DDX60: variants seen among roughly 807,000 people sequenced by gnomAD.
The protein encoded by DDX60 is probable ATP-dependent RNA helicase DDX60.
DDX60 carries 165 observed loss-of-function variants against 212.8 expected under a neutral mutation model. The ratio of observed to expected loss-of-function variants is 0.78; its 90% CI spans 0.68 to 0.88. The LOEUF (loss-of-function observed/expected upper bound fraction) is 0.88, where lower values mean the gene tolerates loss of function less well. DDX60 is among the 40% of genes least tolerant of loss of function. The probability of loss-of-function intolerance (pLI) is 0.00; values close to 1 mark genes in which losing one functional copy is unlikely to be tolerated. For synonymous variants in DDX60, 703 were observed against 685.3 expected (o/e 1.03, Z -0.40); for missense variants, 1,905 against 2,003.9 (o/e 0.95, Z 0.94).
rs199700224 is a variant in DDX60 at position 168,280,557 on chromosome 4, T to A, written c.1756A>T (p.Lys586Ter). The A allele has an allele frequency of 6.2e-7, 1 of 1,613,686 alleles. No homozygotes were observed. Among genetic ancestry groups the A allele is most frequent in the African/African-American group, 1.3e-5 (1 of 74,976 alleles). ...TCTTCCCTGGCAAATAACCTTTTCT[T>A]ATTCTCTCTAGCAATTATTTCAGCC... ...TKAEIIARENKKRLFAREEQK... is the reference protein window; with the variant it reads ...TKAEIIAREN The change falls in exon 14 of 38, where the codon AAG (lysine) becomes TAG (stop). Residue 586 changes from lysine (K) to a stop codon, truncating the protein, a stop_gained. Coordinates refer to ENST00000393743, the MANE Select transcript of DDX60 (RefSeq NM_017631.6). LOFTEE classifies it high-confidence loss of function.
chr4:168,302,094 T>C (rs1008291153), intron 6 of DDX60, among the ~76,000 whole-genome samples: 2 of 152,194 alleles, frequency 1.3e-5, no homozygotes, highest in Non-Finnish European at 2.9e-5. Flanking sequence ...GAAAAGTCAG[T>C]GTAATTGGAA....
intron 33 of DDX60, among the ~76,000 whole-genome samples, chr4:168,226,880 TG>T (rs1733273557): frequency 6.6e-6 from 1 of 152,118 alleles, no homozygotes; most frequent in African/African-American, 2.4e-5. Context: ...TATCAGAGGC[TG>T]GGAAGGGTAG....
chr4:168,286,416 A>ACACACC (rs774764702), intron 10 of DDX60, among the ~76,000 whole-genome samples: 1 of 115,758 alleles, frequency 8.6e-6, no homozygotes, highest in African/African-American at 3.9e-5. Flanking sequence ...ACACACACAC[A>ACACACC]CCACACGAGA....
intron 4 of DDX60, among the ~76,000 whole-genome samples, chr4:168,307,125 C>T (rs17706009): frequency 0.025 from 3,865 of 152,274 alleles, 124 homozygotes; most frequent in East Asian, 0.12. Flanking sequence ...CCTTAAGCAA[C>T]TGAGATTGTC....
At position 168,242,602 on chromosome 4, in the gene DDX60, TC is replaced by T. The variant is rs1263463589; in HGVS notation, c.4164+3815del. 2.6e-5 allele frequency among the ~76,000 whole-genome samples: 4 copies of T among 152,192 alleles called. No homozygotes were observed. In the South Asian group the frequency reaches 6.2e-4, roughly 24 times the overall value. ...TGGTGCCTTTGATTTGGCAAATTTC[TC>T]CCATTTGGAATGGCTGTATGTACCC... On this transcript the variant is annotated intron_variant, in intron 30 of 37. Coordinates refer to ENST00000393743, the MANE Select transcript of DDX60 (RefSeq NM_017631.6).
At position 168,265,835 on chromosome 4, in the gene DDX60, A is replaced by AGGAAGGGAAG. The variant is rs138501508; in HGVS notation, c.3039+1737_3039+1746dup. Reference sequence around the variant, plus strand: ...AGGGAGGGAAGGAGGGAAGGAGGGAAGGAAGGGAAGGGAAGGGAAGGGAAG... The same window carrying AGGAAGGGAAG: ...AGGGAGGGAAGGAGGGAAGGAGGGAAGGAAGGGAAGGGAAGGGAAGGGAAGGGAAGGGAAG... On this transcript the variant is annotated intron_variant, in intron 22 of 37. Transcript: ENST00000393743. 2.8e-3 allele frequency among the ~76,000 whole-genome samples: 254 copies of AGGAAGGGAAG among 89,198 alleles called. 4 individuals carry two copies. Among genetic ancestry groups the AGGAAGGGAAG allele is most frequent in the Admixed American group, 0.023 (177 of 7,560 alleles). The allele number at this position is 89,198 out of a possible 152,430, so 58.5% of individuals were successfully genotyped here.
chr4:168,258,214 T>C (rs1734491965), intron 25 of DDX60, among the ~76,000 whole-genome samples: 1 of 152,252 alleles, frequency 6.6e-6, no homozygotes, highest in South Asian at 2.1e-4. Context: ...CTAAGTGCTT[T>C]CATAACTTAT....
chr4:168,304,399 T>A (rs1736786861), intron 5 of DDX60, among the ~76,000 whole-genome samples: 1 of 152,050 alleles, frequency 6.6e-6, no homozygotes, highest in African/African-American at 2.4e-5. Flanking sequence ...GCTGACAGAA[T>A]AATGATAAAA....
At chr4:168,321,339 A>G (rs909329561), upstream of DDX60, among the ~76,000 whole-genome samples, 1 of 152,090 alleles carries the variant, frequency 6.6e-6, no homozygotes, top group Non-Finnish European at 1.5e-5. Flanking sequence ...CCTCTTAATT[A>G]ACATGTTCAA....
At chr4:168,219,540 T>A (rs979967541) in intron 37 of DDX60, among the ~76,000 whole-genome samples, 2 of 152,132 alleles carry the variant, frequency 1.3e-5, no homozygotes, top group Admixed American at 1.3e-4. Flanking sequence ...GACAAAGCAG[T>A]TTCCTTCTGC....
At chr4:168,259,226 C>T (rs1421066970) in intron 25 of DDX60, among the ~76,000 whole-genome samples, 1 of 152,102 alleles carries the variant, frequency 6.6e-6, no homozygotes, top group Non-Finnish European at 1.5e-5. Context: ...TTTTGCCTCC[C>T]CTATATTTGT....
intron 22 of DDX60, among the ~76,000 whole-genome samples, chr4:168,266,795 G>C (rs1296369969): frequency 6.6e-6 from 1 of 152,148 alleles, no homozygotes; most frequent in Non-Finnish European, 1.5e-5. Context: ...TATCTTCAAA[G>C]AAAGCTGAGA....
At chr4:168,229,588 C>T (rs1372319920) in intron 33 of DDX60, among the ~76,000 whole-genome samples, 1 of 151,980 alleles carries the variant, frequency 6.6e-6, no homozygotes. Flanking sequence ...AAGAGCCCTG[C>T]TTGCTTTCTC....
intron 30 of DDX60, among the ~76,000 whole-genome samples, chr4:168,240,870 A>G (rs1449151745): frequency 6.6e-6 from 1 of 152,212 alleles, no homozygotes; most frequent in Non-Finnish European, 1.5e-5. Context: ...TATTCAGGAC[A>G]TCGGCATGGG....
At position 168,308,180 on chromosome 4, in the gene DDX60, G is replaced by A. The variant is rs375113703; in HGVS notation, c.90C>T (p.Phe30=). ...EMPKAEYSSL[F]NDFVESEFFL... is the part of the protein sequence containing the mutation. ...AAAATTCAGATTCAACAAAATCATTGAATAAACTGGAATATCTAAAATGAA... is the reference window on the plus strand; with the variant it reads ...AAAATTCAGATTCAACAAAATCATTAAATAAACTGGAATATCTAAAATGAA... The change falls in exon 4 of 38, where the codon TTC becomes TTT. Residue 30 remains phenylalanine, a synonymous_variant. Coordinates refer to ENST00000393743, the MANE Select transcript of DDX60 (RefSeq NM_017631.6). The A allele has an allele frequency of 3.2e-6, 5 of 1,543,764 alleles. No homozygotes were observed. The highest frequency in any genetic ancestry group is 2.3e-5 in the East Asian group (1 of 43,334).
intron 8 of DDX60, among the ~76,000 whole-genome samples, chr4:168,290,328 C>CTTTTTT (rs547452038): frequency 1.9e-4 from 24 of 124,242 alleles, no homozygotes; most frequent in Non-Finnish European, 2.3e-4. Flanking sequence ...CTTTTCTTTT[C>CTTTTTT]TTTTTTTTTT....
chr4:168,273,292 G>A lies in DDX60; in HGVS notation c.2561C>T (p.Ala854Val). 6.2e-7 allele frequency: 1 copy of A among 1,613,434 alleles called. No individual in the cohort carries two copies. Among genetic ancestry groups the A allele is most frequent in the Non-Finnish European group, 8.5e-7 (1 of 1,179,658 alleles). The change falls in exon 18 of 38, where the codon GCC becomes GTC. Residue 854 changes from alanine to valine, a missense_variant. Ala to Val is a moderately conservative substitution (Grantham distance 64, BLOSUM62 0). Transcript: ENST00000393743. ...GVFTREYRHD[A>V]LNCQVLITVP... ...AAAATACCCTACCTGACAGTTTAAG[G>A]CATCATGACGATACTCCCTGGTGAA...
At chr4:168,312,068 T>A (rs1737157434) in intron 1 of DDX60, among the ~76,000 whole-genome samples, 1 of 152,116 alleles carries the variant, frequency 6.6e-6, no homozygotes, top group Non-Finnish European at 1.5e-5. Flanking sequence ...TGGAGAGATG[T>A]GGACTCACTT....
rs771451314 is a variant in DDX60, at chr4:168,252,615, C to G, written c.3599G>C (p.Ser1200Thr). 6.2e-7 allele frequency: 1 copy of G among 1,612,292 alleles called. No homozygotes were observed. Among genetic ancestry groups the G allele is most frequent in the East Asian group, 2.2e-5 (1 of 44,814 alleles). ...SQKKTRNVDQ[S>T]LIHEAEHDNL... is the part of the protein sequence containing the mutation. ...ATCATGTTCAGCTTCATGTATTAGG[C>G]TTTGATCCACATTTCTGGTTTTTTT... is the stretch of plus-strand genomic sequence containing the variant. Residue 1200 changes from serine (S) to threonine (T), a missense_variant, in exon 27 of 38, where the codon AGC (serine) becomes ACC (threonine). Coordinates refer to ENST00000393743, the MANE Select transcript of DDX60 (RefSeq NM_017631.6).
Sources: allele counts gnomAD v4.1 joint callset (sites outside exome capture counted in the v4.1 genomes callset), GRCh38; gene constraint gnomAD v4.1.1; transcripts MANE v1.5; gene names NCBI Gene and HGNC (gene_info 2026-07-23, HGNC 2026-07-21).